Variants in ETFB observed in about 807,000 individuals in gnomAD.
ETFB encodes the protein beta-ETF.
Under a neutral mutation model 25.6 loss-of-function variants are expected in ETFB, and 20 were observed. That is an observed-to-expected ratio of 0.78 (90% CI 0.55 to 1.14). The LOEUF is 1.14. Among genes scored for constraint, ETFB ranks in the 50% most tolerant of loss-of-function variants. The pLI is 0.00. For synonymous variants in ETFB, 142 were observed against 146.7 expected (o/e 0.97, Z 0.23); for missense variants, 286 against 342.6 (o/e 0.83, Z 1.30).
chr19:51,360,872 A>G (rs10421807), intron 1 of ETFB, among the ~76,000 whole-genome samples: 44,905 of 151,686 alleles, frequency 0.3, 6,949 homozygotes, highest in South Asian at 0.45. Context: ...TGCAAACTCC[A>G]CCTTCTGGGT....
At chr19:51,348,558 C>G (rs544978333) in intron 4 of ETFB, 1 of 152,140 alleles carries the variant, frequency 6.6e-6, no homozygotes, top group African/African-American at 2.4e-5. Flanking sequence ...AGTTAAAGAC[C>G]AGCTTGGGCA....
intron 4 of ETFB, 114 bp downstream of exon 4, chr19:51,350,215 G>T: frequency 1.7e-6 from 2 of 1,207,836 alleles, no homozygotes; most frequent in Non-Finnish European, 2.4e-6. Context: ...GAGGCAATCC[G>T]AGGGAACAGT....
At chr19:51,362,653 A>C (rs1487371076) in intron 1 of ETFB, among the ~76,000 whole-genome samples, 3 of 152,206 alleles carry the variant, frequency 2.0e-5, no homozygotes, top group Non-Finnish European at 4.4e-5. Flanking sequence ...AACTCAATAA[A>C]GTAGATAGTA....
intron 3 of ETFB, among the ~76,000 whole-genome samples, chr19:51,351,538 G>A (rs776906605): frequency 1.1e-4 from 16 of 152,252 alleles, no homozygotes; most frequent in Non-Finnish European, 2.1e-4. Context: ...CCCAGGACAG[G>A]TAGGACATCG....
intron 4 of ETFB, among the ~76,000 whole-genome samples, chr19:51,349,382 G>A (rs1985872839): frequency 6.6e-6 from 1 of 150,512 alleles, no homozygotes; most frequent in Non-Finnish European, 1.5e-5. Flanking sequence ...ATATAATTTT[G>A]TCTGTTTCTT....
intron 1 of ETFB, chr19:51,355,936 C>A (rs1326360910): frequency 9.9e-6 from 1 of 100,910 alleles, no homozygotes; most frequent in Non-Finnish European, 1.8e-5. Context: ...ACACCGGGGA[C>A]TGTCGTGGGG....
Position 51,345,222 on chromosome 19 carries a change from CA to C in ETFB, c.756del (p.Ile252MetfsTer?). 6.2e-7 allele frequency: 1 copy of C among 1,614,196 alleles called. No homozygotes were observed. Among genetic ancestry groups the C allele is most frequent in the Non-Finnish European group, 8.5e-7 (1 of 1,180,036 alleles). ...TEDLVAKLKE[I>X]GRI ...TCTCTGGGAGGGGCTCAAATCCGCC[CA>C]ATCTCCTTCAGCTTGGCCACCAGGT... On this transcript the variant is annotated frameshift_variant, in exon 6 of 6. Transcript: ENST00000309244. LOFTEE classifies it high-confidence loss of function.
At chr19:51,357,647 G>A (rs1422494542) in intron 1 of ETFB, among the ~76,000 whole-genome samples, 4 of 150,848 alleles carry the variant, frequency 2.7e-5, no homozygotes, top group Non-Finnish European at 4.4e-5. Context: ...CCACCACCAC[G>A]CCCAGCTAAT....
At chr19:51,361,920 G>A (rs1305028514) in intron 1 of ETFB, 1 of 151,892 alleles carries the variant, frequency 6.6e-6, no homozygotes, top group East Asian at 1.9e-4. Context: ...GGCTAGGATG[G>A]TCTTGAACTC....
At chr19:51,363,735 C>T (rs1377060577) in intron 1 of ETFB, among the ~76,000 whole-genome samples, 1 of 152,124 alleles carries the variant, frequency 6.6e-6, no homozygotes, top group African/African-American at 2.4e-5. Context: ...AGGTGTGAGC[C>T]ACCGCGCCTG....
intron 1 of ETFB, among the ~76,000 whole-genome samples, chr19:51,363,442 A>T (rs1432590722): frequency 6.6e-6 from 1 of 151,962 alleles, no homozygotes; most frequent in African/African-American, 2.4e-5. Context: ...AGGGAGAATC[A>T]CTAAATTATT....
chr19:51,352,988 A>T, intron 3 of ETFB, 144 bp downstream of exon 3: 1 of 970,418 alleles, frequency 1.0e-6, no homozygotes, highest in Admixed American at 1.7e-5. Context: ...TCTCTGTCAG[A>T]AGGGTCAGCA....
intron 4 of ETFB, among the ~76,000 whole-genome samples, chr19:51,349,895 C>T (rs926938279): frequency 2.6e-5 from 4 of 151,696 alleles, no homozygotes; most frequent in Admixed American, 1.3e-4. Context: ...TACAGGCGCA[C>T]GCCACCACAC....
At chr19:51,347,147 A>G (rs1985818033) in intron 4 of ETFB, 89 bp from the exon 5 acceptor site, 2 of 1,330,336 alleles carry the variant, frequency 1.5e-6, no homozygotes, top group East Asian at 2.3e-5. Context: ...GAGTACACGC[A>G]TGGACTAGTG....
At chr19:51,354,476 T>C in intron 1 of ETFB, 168 bp from the exon 2 acceptor site, 1 of 1,614,142 alleles carries the variant, frequency 6.2e-7, no homozygotes. Flanking sequence ...TTAGAGTTTG[T>C]AGGCAGGGGC....
At chr19:51,352,474 C>T (rs1036528835) in intron 3 of ETFB, among the ~76,000 whole-genome samples, 1 of 152,048 alleles carries the variant, frequency 6.6e-6, no homozygotes, top group African/African-American at 2.4e-5. Flanking sequence ...TCCCTGCCCT[C>T]CCTCCCCATG....
At position 51,354,273 on chromosome 19, in the gene ETFB, C is replaced by A. The variant is rs183159891; in HGVS notation, c.93G>T (p.Thr31=). ...RVKPDRTGVV[T]DGVKHSMNPF... is the part of the protein sequence containing the mutation. Reference sequence around the variant, plus strand: ...GGTTCATGGAGTGCTTCACACCATCCGTGACCACACCGGTCCTGTCAGGCT... The same window carrying A: ...GGTTCATGGAGTGCTTCACACCATCAGTGACCACACCGGTCCTGTCAGGCT... Residue 31 remains threonine, a synonymous_variant, in exon 2 of 6, where the codon ACG becomes ACT. Coordinates refer to ENST00000309244, the MANE Select transcript of ETFB (RefSeq NM_001985.3). 6.2e-7 allele frequency: 1 copy of A among 1,614,180 alleles called. No homozygotes were observed. The highest frequency in any genetic ancestry group is 8.5e-7 in the Non-Finnish European group (1 of 1,180,032).
In ETFB at chr19:51,346,977, G is replaced by A. The variant is rs755539437; in HGVS notation, c.520C>T (p.Arg174Cys). The A allele has an allele frequency of 1.4e-5, 23 of 1,608,766 alleles. No homozygotes were observed. Among genetic ancestry groups the A allele is most frequent in the Non-Finnish European group, 1.7e-5 (20 of 1,177,890 alleles). Residue 174 changes from arginine (R) to cysteine (C), a missense_variant, in exon 5 of 6, where the codon CGC becomes TGC. Coordinates refer to ENST00000309244, the MANE Select transcript of ETFB (RefSeq NM_001985.3). ...GTCACCACAGCTGGCAGCTTCAGGC[G>A]CAGGGTCTCCAGGCCCCCATCGATC... ...REIDGGLETL[R>C]LKLPAVVTAD...
intron 3 of ETFB, among the ~76,000 whole-genome samples, chr19:51,350,799 C>G (rs1445987492): frequency 1.3e-5 from 2 of 152,194 alleles, no homozygotes; most frequent in Non-Finnish European, 1.5e-5. Flanking sequence ...TATGGTGGAA[C>G]AGATGTAGTA....
Sources: allele counts gnomAD v4.1 joint callset (sites outside exome capture counted in the v4.1 genomes callset), GRCh38; gene constraint gnomAD v4.1.1; transcripts MANE v1.5; gene names NCBI Gene and HGNC (gene_info 2026-07-23, HGNC 2026-07-21).